The following ZNF519 variants were observed in gnomAD, a reference collection of about 807,000 sequenced individuals.
ZNF519 encodes zinc finger protein 519, also known as similar to Zinc finger protein 85 (Zinc finger protein HPF4) (HTF1).
Under a neutral mutation model 7.4 loss-of-function variants are expected in ZNF519, and 7 were observed. The observed-to-expected ratio is 0.94, with a 90% confidence interval of 0.54 to 1.77. ZNF519 has a LOEUF of 1.77. ZNF519 is among the 40% of genes most tolerant of loss of function. The probability of loss-of-function intolerance (pLI) is 0.00; values close to 1 mark genes in which losing one functional copy is unlikely to be tolerated. For missense variants in ZNF519, 586 were observed against 623.1 expected (o/e 0.94, Z 0.63); for synonymous variants, 179 against 203.3 (o/e 0.88, Z 1.02).
chr18:14,131,973 A>G (rs1404100804), intron 1 of ZNF519, among the ~76,000 whole-genome samples: 1 of 152,202 alleles, frequency 6.6e-6, no homozygotes, highest in Non-Finnish European at 1.5e-5. Context: ...CACGGACCAC[A>G]GCTCCTTCCA....
chr18:14,105,927 G>T lies in ZNF519; in HGVS notation c.613C>A (p.Gln205Lys). The T allele has an allele frequency of 6.2e-7, 1 of 1,609,226 alleles. No homozygotes were observed. Among genetic ancestry groups the T allele is most frequent in the South Asian group, 1.1e-5 (1 of 89,936 alleles). The change falls in exon 3 of 3, where the codon CAA becomes AAA. Residue 205 changes from glutamine (Q) to lysine (K), a missense_variant. Coordinates refer to ENST00000590202, the MANE Select transcript of ZNF519 (RefSeq NM_145287.4). ...TCATTAGAGTTGTAAGGCTTTTTTTGAATATGGATATTTTCAGGGAAAATA... is the reference window on the plus strand; with the variant it reads ...TCATTAGAGTTGTAAGGCTTTTTTTTAATATGGATATTTTCAGGGAAAATA... ...KLIFPENIHI[Q>K]KKPYNSNECG...
chr18:14,107,010 G>C (rs2046196766), intron 2 of ZNF519, among the ~76,000 whole-genome samples: 1 of 151,772 alleles, frequency 6.6e-6, no homozygotes, highest in African/African-American at 2.4e-5. Flanking sequence ...TAAAAAACTT[G>C]AAAGGCAGTT....
intron 3 of ZNF519, among the ~76,000 whole-genome samples, chr18:14,083,461 G>T (rs2143083815): frequency 6.6e-6 from 1 of 152,276 alleles, no homozygotes; most frequent in South Asian, 2.1e-4. Flanking sequence ...TTCTGTCAAT[G>T]ATTTAAACAA....
intron 2 of ZNF519, among the ~76,000 whole-genome samples, chr18:14,120,666 C>T (rs1263253927): frequency 6.6e-6 from 1 of 151,868 alleles, no homozygotes; most frequent in East Asian, 1.9e-4. Context: ...GTGTAAGAAA[C>T]TTCTGCAATT....
intron 2 of ZNF519, among the ~76,000 whole-genome samples, chr18:14,092,294 T>C (rs1372642538): frequency 1.3e-5 from 2 of 152,026 alleles, no homozygotes; most frequent in Admixed American, 6.5e-5. Flanking sequence ...GTGTCCTTCA[T>C]TGGAACACGA....
At chr18:14,079,389 T>C (rs1344242174) in intron 3 of ZNF519, among the ~76,000 whole-genome samples, 1 of 152,212 alleles carries the variant, frequency 6.6e-6, no homozygotes, top group Non-Finnish European at 1.5e-5. Context: ...CAGGAACTTA[T>C]TTTGTGGATA....
rs1166095761 is a variant in ZNF519 at position 14,100,637 on chromosome 18, G to C, written c.*4280C>G. 1 of 152,200 alleles carries C rather than the reference G, an allele frequency of 6.6e-6. No homozygotes were observed. The highest frequency in any genetic ancestry group is 2.4e-5 in the African/African-American group (1 of 41,440). 9.4% of individuals were successfully genotyped at this position (152,200 alleles called of 1,614,324 possible). ...TTGGAATGACAAATTTGCAGAAATAGAAATTAATGGTTTCAAAGAATCAGA... is the reference window on the plus strand; with the variant it reads ...TTGGAATGACAAATTTGCAGAAATACAAATTAATGGTTTCAAAGAATCAGA... On this transcript the variant is annotated 3_prime_UTR_variant, in exon 3 of 3. Transcript: ENST00000590202.
At chr18:14,071,193 AAAT>A (rs1454725294), downstream of ZNF519, 7 of 152,094 alleles carry the variant, frequency 4.6e-5, no homozygotes, top group Admixed American at 2.0e-4. Context: ...CACAAAAAGA[AAAT>A]AAAGTGAGAG....
chr18:14,084,663 A>C (rs185593275), intron 3 of ZNF519, among the ~76,000 whole-genome samples: 1 of 151,942 alleles, frequency 6.6e-6, no homozygotes, highest in Non-Finnish European at 1.5e-5. Context: ...TTAGCCCCCA[A>C]ACTGCAGTTA....
downstream of ZNF519, chr18:14,072,567 C>G (rs978861583): frequency 1.3e-5 from 2 of 151,776 alleles, no homozygotes; most frequent in Non-Finnish European, 2.9e-5. Context: ...ATGGGAATCC[C>G]CTTTCAGATG....
chr18:14,105,457 T>C lies in ZNF519; in HGVS notation c.1083A>G (p.Ser361=), dbSNP rs191292897. 4.3e-6 allele frequency: 7 copies of C among 1,613,964 alleles called. No individual in the cohort carries two copies. In the African/African-American group the frequency reaches 8.0e-5, roughly 18 times the overall value. The change falls in exon 3 of 3, where the codon TCA becomes TCG. Residue 361 remains serine (S), a synonymous_variant. Transcript: ENST00000590202. ...GGATTCTCTGGTGTTGAGTAAGGTA[T>C]GACCCCCTGTTAAAGGCTTTGCCAC... The part of the protein sequence containing the change: ...EECGKAFNRG[S]YLTQHQRIHT...
In ZNF519 at chr18:14,105,541, T is replaced by C; in HGVS notation, c.999A>G (p.Ser333=). 6.2e-7 allele frequency: 1 copy of C among 1,614,152 alleles called. No homozygotes were observed. The highest frequency in any genetic ancestry group is 2.2e-5 in the East Asian group (1 of 44,880). ...KECGKAFNRG[S]YLTQHQRIHT... ...GGATTCTCTGATGTTGAGTAAGGTA[T>C]GAGCCTCTGTTAAAAGCTTTGCCAC... Residue 333 remains serine, a synonymous_variant, in exon 3 of 3, where the codon TCA becomes TCG. Coordinates refer to ENST00000590202, the MANE Select transcript of ZNF519 (RefSeq NM_145287.4).
chr18:14,101,472 G>T lies in ZNF519; in HGVS notation c.*3445C>A, dbSNP rs16941609. The stretch of plus-strand genomic sequence containing the variant: ...TCTTACAAATATGTGAAAGCCGATT[G>T]TACACCTGAACAGTGCTGGGGTGAA... On this transcript the variant is annotated 3_prime_UTR_variant, in exon 3 of 3. Coordinates refer to ENST00000590202, the MANE Select transcript of ZNF519 (RefSeq NM_145287.4). The T allele has an allele frequency of 0.019, 7,312 of 394,612 alleles. 465 individuals carry two copies. Among genetic ancestry groups the T allele is most frequent in the African/African-American group, 0.13 (6,511 of 48,646 alleles). 24.4% of individuals were successfully genotyped at this position (394,612 alleles called of 1,614,324 possible). A position where few individuals can be genotyped will look rare whatever the true frequency, so the allele number is the denominator to read the frequency against.
At chr18:14,081,643 T>C (rs1256878949) in intron 3 of ZNF519, among the ~76,000 whole-genome samples, 1 of 152,194 alleles carries the variant, frequency 6.6e-6, no homozygotes, top group African/African-American at 2.4e-5. Context: ...CCCAGCTTTA[T>C]GTGTTATGGT....
rs755470551 is a variant in ZNF519 at position 14,106,208 on chromosome 18, T to C, written c.332A>G (p.Lys111Arg). The C allele has an allele frequency of 2.5e-6, 4 of 1,613,174 alleles. No individual in the cohort carries two copies. The South Asian group carries it at 3.3e-5, about 13-fold the overall frequency. Residue 111 changes from lysine (K) to arginine (R), a missense_variant, in exon 3 of 3, where the codon AAA becomes AGA. Physicochemically the swap from Lys to Arg is conservative, Grantham distance 26 (BLOSUM62 2). Transcript: ENST00000590202. ...TTTGTCTCCTTTCACAGTTAAATGT[T>C]TGTTATGACTAGTTGTCAAATATTG... ...CSQYLTTSHN[K>R]HLTVKGDKEY...
intron 1 of ZNF519, among the ~76,000 whole-genome samples, chr18:14,127,797 G>C (rs1484305486): frequency 6.6e-6 from 1 of 152,066 alleles, no homozygotes; most frequent in African/African-American, 2.4e-5. Flanking sequence ...CTCTAGAAGG[G>C]ACTGTAGATT....
At position 14,127,316 on chromosome 18, in the gene ZNF519, G is replaced by A. The variant is rs577174892; in HGVS notation, c.4-2840C>T. Among the ~76,000 whole-genome samples, 5 of 152,320 alleles carry A rather than the reference G, an allele frequency of 3.3e-5. No homozygotes were observed. The East Asian group carries it at 7.7e-4, about 23-fold the overall frequency. On this transcript the variant is annotated intron_variant, in intron 1 of 2. Transcript: ENST00000590202. ...GTTGACCTCTCATGATGCAGAAAAT[G>A]TCTTCTGTGAGTTTTCTGTATGTCT...
At chr18:14,084,534 A>AC in intron 3 of ZNF519, among the ~76,000 whole-genome samples, 1 of 151,978 alleles carries the variant, frequency 6.6e-6, no homozygotes, top group Non-Finnish European at 1.5e-5. Flanking sequence ...GGCGGGACTG[A>AC]CCCCCCACTT....
chr18:14,092,473 T>C (rs943936484), intron 2 of ZNF519, among the ~76,000 whole-genome samples: 1 of 152,102 alleles, frequency 6.6e-6, no homozygotes, highest in African/African-American at 2.4e-5. Context: ...TGACAGGTCA[T>C]TGGGGAGTGA....
Sources: gnomAD v4.1 joint callset for allele counts (sites outside exome capture counted in the v4.1 genomes callset) on GRCh38, gnomAD v4.1.1 for gene constraint, MANE v1.5 for transcripts, NCBI Gene and HGNC (gene_info 2026-07-23, HGNC 2026-07-21) for gene names.